Variants in DNAJC3 observed in about 807,000 individuals in gnomAD.
DNAJC3 encodes the protein DnaJ heat shock protein family (Hsp40) member C3, also known as dnaJ homolog subfamily C member 3.
Under a neutral mutation model 68.6 loss-of-function variants are expected in DNAJC3, and 38 were observed. The ratio of observed to expected loss-of-function variants is 0.55; its 90% CI spans 0.43 to 0.73. DNAJC3 has a LOEUF of 0.73. Among genes scored for constraint, DNAJC3 ranks in the 30% least tolerant of loss-of-function variants. The probability of loss-of-function intolerance (pLI) is 0.00; values close to 1 mark genes in which losing one functional copy is unlikely to be tolerated. For missense variants in DNAJC3, 526 were observed against 591.9 expected, an observed-to-expected ratio of 0.89 and a Z score of 1.16; for synonymous variants, 203 against 204.0, an observed-to-expected ratio of 1.00 and a Z score of 0.04.
chr13:95,759,285 G>A (rs367772159), intron 5 of DNAJC3, among the ~76,000 whole-genome samples: 7 of 151,858 alleles, frequency 4.6e-5, no homozygotes, highest in African/African-American at 1.2e-4. Context: ...CTTTTAAGGC[G>A]GTGACATTTA....
chr13:95,775,378 A>G (rs1883266502), intron 9 of DNAJC3, among the ~76,000 whole-genome samples: 1 of 152,264 alleles, frequency 6.6e-6, no homozygotes, highest in Non-Finnish European at 1.5e-5. Flanking sequence ...CAGAAGAGGA[A>G]GAACTGAGTA....
intron 4 of DNAJC3, among the ~76,000 whole-genome samples, chr13:95,732,676 A>T (rs1461517273): frequency 1.3e-5 from 2 of 150,730 alleles, no homozygotes; most frequent in African/African-American, 4.9e-5. Context: ...AATTTCATTT[A>T]GTTCTGCTGT....
At chr13:95,754,713 A>G (rs1882597582) in intron 4 of DNAJC3, among the ~76,000 whole-genome samples, 1 of 152,092 alleles carries the variant, frequency 6.6e-6, no homozygotes, top group South Asian at 2.1e-4. Flanking sequence ...TGTTAAAAGG[A>G]GTTACCAGGT....
intron 4 of DNAJC3, among the ~76,000 whole-genome samples, chr13:95,727,843 A>T (rs907003487): frequency 6.6e-6 from 1 of 152,160 alleles, no homozygotes; most frequent in Non-Finnish European, 1.5e-5. Context: ...CTGACTTGGT[A>T]TTCTGTTACC....
At chr13:95,744,550 T>C (rs1882246743) in intron 4 of DNAJC3, among the ~76,000 whole-genome samples, 1 of 152,232 alleles carries the variant, frequency 6.6e-6, no homozygotes, top group African/African-American at 2.4e-5. Context: ...TGGAATAGTT[T>C]GTCCAAACTC....
In DNAJC3 at chr13:95,773,591, T is replaced by G. The variant is rs545955266; in HGVS notation, c.1075+9638T>G. Reference sequence around the variant, plus strand: ...CTTGACATTGCTGAATTTGTTGGCATGAAGTTCATAATATTATCTTATTAT... The same window carrying G: ...CTTGACATTGCTGAATTTGTTGGCAGGAAGTTCATAATATTATCTTATTAT... On this transcript the variant is annotated intron_variant, in intron 9 of 11. Coordinates refer to ENST00000602402, the MANE Select transcript of DNAJC3 (RefSeq NM_006260.5). Among the ~76,000 whole-genome samples the G allele has an allele frequency of 7.9e-5, 12 of 152,274 alleles. No individual in the cohort carries two copies. In the South Asian group the frequency reaches 2.5e-3, roughly 32 times the overall value.
Position 95,733,665 on chromosome 13 carries a change from G to T in DNAJC3, c.393+8413G>T, listed in dbSNP as rs572213656. 1.3e-4 allele frequency among the ~76,000 whole-genome samples: 20 copies of T among 148,464 alleles called. No homozygotes were observed. The South Asian group carries it at 3.8e-3, about 28-fold the overall frequency. On this transcript the variant is annotated intron_variant, in intron 4 of 11. Transcript: ENST00000602402. ...TCTGCCTGCCCTGGCCTCGCAAAGT[G>T]CTGGGATTACATGTGTGAGCCACTG...
chr13:95,677,392 G>T (rs1013873292), intron 1 of DNAJC3, 55 bp downstream of exon 1: 7 of 1,515,498 alleles, frequency 4.6e-6, no homozygotes, highest in Non-Finnish European at 6.2e-6. Flanking sequence ...GGCCCCCCGC[G>T]CTTTCCCGTC....
intron 1 of DNAJC3, among the ~76,000 whole-genome samples, chr13:95,690,961 C>CG (rs1168496316): frequency 1.5e-5 from 2 of 131,562 alleles, no homozygotes; most frequent in Non-Finnish European, 3.2e-5. Context: ...GCTGGCCGGG[C>CG]GGGGGGCTGA....
rs889417236 is a variant in DNAJC3 at position 95,722,832 on chromosome 13, C to G, written c.194-410C>G. Among the ~76,000 whole-genome samples, 8 of 34,538 alleles carry G rather than the reference C, an allele frequency of 2.3e-4. 2 individuals carry two copies. Among genetic ancestry groups the G allele is most frequent in the East Asian group, 2.4e-3 (2 of 836 alleles). The allele number at this position is 34,538 out of a possible 152,430, so 22.7% of individuals were successfully genotyped here. On this transcript the variant is annotated intron_variant, in intron 2 of 11. Coordinates refer to ENST00000602402, the MANE Select transcript of DNAJC3 (RefSeq NM_006260.5). The stretch of plus-strand genomic sequence containing the variant: ...CCTTGTCCGCCCCCCCCCCCCCCCC[C>G]CCCCCCCGCCGAAAAAGGTTATAAG...
intron 1 of DNAJC3, among the ~76,000 whole-genome samples, chr13:95,696,551 G>A (rs1880445370): frequency 6.6e-6 from 1 of 152,024 alleles, no homozygotes; most frequent in East Asian, 1.9e-4. Flanking sequence ...ATTGTGGAAG[G>A]CCTTCTTTGC....
intron 4 of DNAJC3, among the ~76,000 whole-genome samples, chr13:95,734,599 TTAAG>T (rs1281537716): frequency 2.2e-4 from 34 of 152,306 alleles, no homozygotes; most frequent in African/African-American, 7.7e-4. Flanking sequence ...TATTATTTTG[TTAAG>T]TAAGTTTTTT....
chr13:95,747,846 A>T, intron 4 of DNAJC3, among the ~76,000 whole-genome samples: 1 of 152,274 alleles, frequency 6.6e-6, no homozygotes, highest in East Asian at 1.9e-4. Flanking sequence ...GAAAAAAAGG[A>T]ATTATGATAT....
At chr13:95,685,856 T>G (rs1038939240) in intron 1 of DNAJC3, among the ~76,000 whole-genome samples, 1 of 151,874 alleles carries the variant, frequency 6.6e-6, no homozygotes, top group African/African-American at 2.4e-5. Flanking sequence ...TGATATTTCA[T>G]TGTGGTTTTA....
At chr13:95,738,531 G>A (rs1022315370) in intron 4 of DNAJC3, among the ~76,000 whole-genome samples, 8 of 152,040 alleles carry the variant, frequency 5.3e-5, no homozygotes, top group Admixed American at 4.6e-4. Context: ...TATATATTTA[G>A]GATAGTTAGC....
Position 95,786,032 on chromosome 13 carries a change from C to G in DNAJC3, c.1169C>G (p.Ser390Trp). The change falls in exon 10 of 12, where the codon TCG becomes TGG. Residue 390 changes from serine to tryptophan, a missense_variant. Physicochemically the swap from Ser to Trp is radical, Grantham distance 177. Coordinates refer to ENST00000602402, the MANE Select transcript of DNAJC3 (RefSeq NM_006260.5). ...LEKAQRLLKQ[S>W]QKRDYYKILG... Reference sequence around the variant, plus strand: ...AAAGCACAAAGATTATTGAAACAGTCGCAGAAACGAGATTATTATAAAATC... The same window carrying G: ...AAAGCACAAAGATTATTGAAACAGTGGCAGAAACGAGATTATTATAAAATC... 1 of 1,608,160 alleles carries G rather than the reference C, an allele frequency of 6.2e-7. No homozygotes were observed. The highest frequency in any genetic ancestry group is 1.1e-5 in the South Asian group (1 of 89,224).
chr13:95,705,027 T>TG (rs535653830), intron 1 of DNAJC3, among the ~76,000 whole-genome samples: 6 of 152,000 alleles, frequency 3.9e-5, no homozygotes, highest in Non-Finnish European at 7.4e-5. Context: ...AATCTCTGTA[T>TG]TTTTAGTAGA....
chr13:95,754,247 C>G (rs1422354507), intron 4 of DNAJC3, among the ~76,000 whole-genome samples: 1 of 152,078 alleles, frequency 6.6e-6, no homozygotes, highest in Non-Finnish European at 1.5e-5. Flanking sequence ...GGGTTTAGTT[C>G]CTCTTGAGGT....
At chr13:95,745,016 G>A (rs1326938781) in intron 4 of DNAJC3, 2 of 152,124 alleles carry the variant, frequency 1.3e-5, no homozygotes, top group East Asian at 3.8e-4. Flanking sequence ...TAAGTATTAC[G>A]AGAGAAAAAC....
Sources: gnomAD v4.1 joint callset for allele counts (sites outside exome capture counted in the v4.1 genomes callset) on GRCh38, gnomAD v4.1.1 for gene constraint, MANE v1.5 for transcripts, NCBI Gene and HGNC (gene_info 2026-07-23, HGNC 2026-07-21) for gene names.